The following ERC1 variants were observed in gnomAD, a reference collection of about 807,000 sequenced individuals.
ERC1 encodes the protein ELKS/RAB6-interacting/CAST family member 1, also known as RAB6 interacting protein 2.
In ERC1, 56 loss-of-function variants were observed where a neutral mutation model predicts 132.0. The observed-to-expected ratio is 0.42, with a 90% CI of 0.34 to 0.53. The LOEUF is 0.53. Ranked by LOEUF, ERC1 falls within the 20% of genes least tolerant of loss-of-function variation. ERC1 has a pLI of 0.03. For synonymous variants in ERC1, 478 were observed against 476.1 expected, an observed-to-expected ratio of 1.00 and a Z score of -0.05; for missense variants, 1,202 against 1,349.9, an observed-to-expected ratio of 0.89 and a Z score of 1.72.
At chr12:1,166,769 A>T (rs143434779) in intron 8 of ERC1, among the ~76,000 whole-genome samples, 2 of 152,308 alleles carry the variant, frequency 1.3e-5, no homozygotes, top group African/African-American at 4.8e-5. Context: ...TGTGTTTTTC[A>T]GCTGGATGAA....
At chr12:1,262,468 G>T (rs2077202381) in intron 13 of ERC1, among the ~76,000 whole-genome samples, 1 of 152,036 alleles carries the variant, frequency 6.6e-6, no homozygotes, top group African/African-American at 2.4e-5. Flanking sequence ...TGTCATTTTT[G>T]GTTTTCTCCT....
chr12:1,224,993 A>AAGAT (rs971341567), intron 12 of ERC1, among the ~76,000 whole-genome samples: 3 of 152,178 alleles, frequency 2.0e-5, no homozygotes, highest in African/African-American at 2.4e-5. Flanking sequence ...GAAAGAAAGA[A>AAGAT]AGAAAAGAAA....
At chr12:1,050,657 T>C (rs1223209171) in intron 2 of ERC1, among the ~76,000 whole-genome samples, 2 of 152,202 alleles carry the variant, frequency 1.3e-5, no homozygotes, top group Non-Finnish European at 2.9e-5. Flanking sequence ...CTGAATCTTA[T>C]TTTAAAATGA....
At chr12:991,028 TCCCCCGCTTC>T (rs1247430015), upstream of ERC1, 1 of 151,552 alleles carries the variant, frequency 6.6e-6, no homozygotes, top group Non-Finnish European at 1.5e-5. Flanking sequence ...GGCGCCGATT[TCCCCCGCTTC>T]CCAGTTCCTC....
At chr12:1,418,241 G>C (rs966317569) in intron 17 of ERC1, among the ~76,000 whole-genome samples, 1 of 152,158 alleles carries the variant, frequency 6.6e-6, no homozygotes, top group Admixed American at 6.5e-5. Flanking sequence ...AATATGGCAC[G>C]TTGGCATTGG....
At chr12:1,416,097 A>G (rs2092106537) in intron 17 of ERC1, among the ~76,000 whole-genome samples, 1 of 152,226 alleles carries the variant, frequency 6.6e-6, no homozygotes, top group African/African-American at 2.4e-5. Flanking sequence ...TTCCTTGGAC[A>G]TAGTAGACAA....
chr12:1,148,662 C>T (rs565828222), intron 8 of ERC1, among the ~76,000 whole-genome samples: 5 of 152,080 alleles, frequency 3.3e-5, no homozygotes, highest in Non-Finnish European at 7.4e-5. Flanking sequence ...AGTGCAGTGG[C>T]GTGATATTGG....
At chr12:1,118,081 C>T (rs1028158511) in intron 7 of ERC1, among the ~76,000 whole-genome samples, 8 of 152,158 alleles carry the variant, frequency 5.3e-5, no homozygotes, top group Non-Finnish European at 7.4e-5. Context: ...TCCAATTACA[C>T]TCTTTAAGTT....
At chr12:1,274,364 T>A (rs759795034) in intron 14 of ERC1, among the ~76,000 whole-genome samples, 219 of 152,350 alleles carry the variant, frequency 1.4e-3, no homozygotes, top group Non-Finnish European at 2.0e-3. Context: ...ACATATACTT[T>A]AAAATTTGAT....
chr12:1,252,126 C>T (rs2076506715), intron 13 of ERC1, among the ~76,000 whole-genome samples: 1 of 152,078 alleles, frequency 6.6e-6, no homozygotes, highest in Non-Finnish European at 1.5e-5. Flanking sequence ...TTTATCATTT[C>T]TCTGTGTTAG....
intron 18 of ERC1, among the ~76,000 whole-genome samples, chr12:1,485,510 A>G (rs563195765): frequency 1.3e-5 from 2 of 152,044 alleles, no homozygotes; most frequent in South Asian, 4.2e-4. Flanking sequence ...GCCATATTTA[A>G]TTATTAATGA....
chr12:1,409,890 T>C (rs544521507), intron 17 of ERC1, among the ~76,000 whole-genome samples: 39 of 152,036 alleles, frequency 2.6e-4, no homozygotes, highest in African/African-American at 9.4e-4. Flanking sequence ...TGTATTTTAG[T>C]TAGAGACAGG....
chr12:1,393,399 G>A (rs2090144407), intron 16 of ERC1, among the ~76,000 whole-genome samples: 1 of 152,148 alleles, frequency 6.6e-6, no homozygotes, highest in African/African-American at 2.4e-5. Context: ...GCTGGGCGTG[G>A]TGGTGCACAT....
At chr12:1,055,908 G>C (rs1283771448) in intron 2 of ERC1, among the ~76,000 whole-genome samples, 1 of 152,146 alleles carries the variant, frequency 6.6e-6, no homozygotes, top group East Asian at 1.9e-4. Flanking sequence ...ACTTTGGGAG[G>C]CCCATGGCGG....
chr12:1,489,392 ACT>A (rs1397714801), intron 18 of ERC1, among the ~76,000 whole-genome samples: 1 of 151,918 alleles, frequency 6.6e-6, no homozygotes, highest in Non-Finnish European at 1.5e-5. Flanking sequence ...CTGCGGCCTC[ACT>A]CTGCTGGGTG....
chr12:1,446,823 CTCTT>C (rs2093315515), intron 18 of ERC1, among the ~76,000 whole-genome samples: 2 of 152,128 alleles, frequency 1.3e-5, no homozygotes, highest in African/African-American at 4.8e-5. Flanking sequence ...GAATTTTAAT[CTCTT>C]TCTTTCTTGA....
intron 1 of ERC1, chr12:1,020,860 A>AGGG (rs1193202575): frequency 6.6e-6 from 1 of 152,208 alleles, no homozygotes; most frequent in Non-Finnish European, 1.5e-5. Flanking sequence ...TCCCTCTTGA[A>AGGG]GGGAGGAGCA....
chr12:1,227,104 T>G (rs145984116), intron 12 of ERC1, among the ~76,000 whole-genome samples: 172 of 152,372 alleles, frequency 1.1e-3, no homozygotes, highest in African/African-American at 3.8e-3. Context: ...TGCAGTGATA[T>G]GGGAGTGCAG....
At chr12:1,431,319 C>G (rs755682960) in intron 17 of ERC1, among the ~76,000 whole-genome samples, 2 of 152,072 alleles carry the variant, frequency 1.3e-5, no homozygotes, top group African/African-American at 2.4e-5. Flanking sequence ...TGTTTTGAAC[C>G]AATTAGTGTT....
Sources: gnomAD v4.1 joint callset for allele counts (sites outside exome capture counted in the v4.1 genomes callset) on GRCh38, gnomAD v4.1.1 for gene constraint, MANE v1.5 for transcripts, NCBI Gene and HGNC (gene_info 2026-07-23, HGNC 2026-07-21) for gene names.